VPS50: variants seen among roughly 807,000 people sequenced by gnomAD.
The protein encoded by VPS50 is VPS50 subunit of EARP/GARPII complex.
Under a neutral mutation model 139.7 loss-of-function variants are expected in VPS50, and 70 were observed. The ratio of observed to expected loss-of-function variants is 0.50; its 90% CI spans 0.41 to 0.61. The LOEUF (loss-of-function observed/expected upper bound fraction) is 0.61, where lower values mean the gene tolerates loss of function less well. VPS50 is among the 20% of genes least tolerant of loss of function. The pLI is 0.00. For missense variants in VPS50, 921 were observed against 1,133.7 expected (o/e 0.81, Z 2.69); for synonymous variants, 365 against 376.7 (o/e 0.97, Z 0.36).
intron 27 of VPS50, among the ~76,000 whole-genome samples, chr7:93,357,265 G>A (rs1464624581): frequency 2.6e-5 from 4 of 152,120 alleles, no homozygotes; most frequent in South Asian, 2.1e-4. Flanking sequence ...AATGATGCCC[G>A]TTTTTTGAAT....
chr7:93,261,913 A>G (rs1180556716), intron 9 of VPS50, among the ~76,000 whole-genome samples: 5 of 152,272 alleles, frequency 3.3e-5, no homozygotes, highest in African/African-American at 1.2e-4. Flanking sequence ...GAAAATATGT[A>G]TCTATTGGAT....
At chr7:93,280,839 T>C (rs1237301782) in intron 12 of VPS50, among the ~76,000 whole-genome samples, 1 of 152,118 alleles carries the variant, frequency 6.6e-6, no homozygotes, top group Admixed American at 6.6e-5. Context: ...AGTTCTGTTT[T>C]TATGATGAAT....
In VPS50 at chr7:93,254,100, G is replaced by A. The variant is rs543903151; in HGVS notation, c.297+169G>A. Among the ~76,000 whole-genome samples, 36 of 152,284 alleles carry A rather than the reference G, an allele frequency of 2.4e-4. No individual in the cohort carries two copies. The South Asian group carries it at 5.4e-3, about 23-fold the overall frequency. The stretch of plus-strand genomic sequence containing the variant: ...TGCATTTACATTAAAAATTTAATGC[G>A]TATGGTTTTCCTTATGTTACCTTGG... On this transcript the variant is annotated intron_variant, in intron 4 of 27. Coordinates refer to ENST00000305866, the MANE Select transcript of VPS50 (RefSeq NM_017667.4).
chr7:93,327,468 G>A (rs1797816282), intron 21 of VPS50, among the ~76,000 whole-genome samples: 1 of 151,998 alleles, frequency 6.6e-6, no homozygotes, highest in Non-Finnish European at 1.5e-5. Context: ...TTTCAGAATG[G>A]CATTTACTAG....
At chr7:93,265,474 G>A (rs1226450957) in intron 9 of VPS50, among the ~76,000 whole-genome samples, 1 of 152,182 alleles carries the variant, frequency 6.6e-6, no homozygotes, top group Non-Finnish European at 1.5e-5. Context: ...TCCGATCTGT[G>A]ATCTAGAATT....
chr7:93,329,548 T>A (rs1388663541), intron 21 of VPS50, among the ~76,000 whole-genome samples: 3 of 150,774 alleles, frequency 2.0e-5, no homozygotes, highest in Non-Finnish European at 4.4e-5. Flanking sequence ...GAAAAAACAC[T>A]GGCCAAAATT....
rs186460890 is a variant in VPS50, at chr7:93,253,315, G to A, written c.225+540G>A. Among the ~76,000 whole-genome samples the A allele has an allele frequency of 2.3e-3, 356 of 152,260 alleles. 1 individual carries two copies. Among genetic ancestry groups the A allele is most frequent in the African/African-American group, 8.2e-3 (340 of 41,540 alleles). On this transcript the variant is annotated intron_variant, in intron 3 of 27. Transcript: ENST00000305866. ...TTTCATCAGTCAGTTGACTGAGATT[G>A]TTTCCCTGTATATGGTATGCATTTT...
intron 23 of VPS50, 30 bp from the exon 24 acceptor site, chr7:93,348,680 GT>G (rs1190937531): frequency 1.7e-5 from 23 of 1,372,422 alleles, no homozygotes; most frequent in Non-Finnish European, 2.3e-5. Context: ...TACACAATTT[GT>G]TTACACAGTG....
intron 21 of VPS50, among the ~76,000 whole-genome samples, chr7:93,331,232 GT>G (rs769476910): frequency 0.074 from 9,991 of 135,200 alleles, 677 homozygotes; most frequent in African/African-American, 0.2. Flanking sequence ...CTGTAACAAG[GT>G]TTTTTTTTTT....
chr7:93,283,374 T>G (rs1429027944), intron 12 of VPS50, among the ~76,000 whole-genome samples: 1 of 152,030 alleles, frequency 6.6e-6, no homozygotes, highest in Non-Finnish European at 1.5e-5. Context: ...GTAGTTGGGA[T>G]TACAGCTCCC....
At position 93,315,806 on chromosome 7, in the gene VPS50, A is replaced by G. The variant is rs1435243361; in HGVS notation, c.1855+4534A>G. 5.9e-5 allele frequency among the ~76,000 whole-genome samples: 9 copies of G among 151,452 alleles called. No individual in the cohort carries two copies. In the East Asian group the frequency reaches 1.2e-3, roughly 20 times the overall value. ...GAAATCAGTTCTTTTTTTGCCATGT[A>G]TATTGCATTCATTAGTTTTAGTCCA... On this transcript the variant is annotated intron_variant, in intron 20 of 27. Coordinates refer to ENST00000305866, the MANE Select transcript of VPS50 (RefSeq NM_017667.4).
Position 93,323,634 on chromosome 7 carries a change from A to T in VPS50, c.1879A>T (p.Ile627Phe). 1 of 1,319,724 alleles carries T rather than the reference A, an allele frequency of 7.6e-7. No individual in the cohort carries two copies. Among genetic ancestry groups the T allele is most frequent in the Non-Finnish European group, 1.0e-6 (1 of 989,878 alleles). 81.8% of individuals were successfully genotyped at this position (1,319,724 alleles called of 1,614,324 possible). A position where few individuals can be genotyped will look rare whatever the true frequency, so the allele number is the denominator to read the frequency against. ...LVGKYMQMMN[I>F]LKPIAFDVIH... Reference sequence around the variant, plus strand: ...AGGAAAATATATGCAGATGATGAACATTCTTAAGCCAATTGCCTTTGATGT... The same window carrying T: ...AGGAAAATATATGCAGATGATGAACTTTCTTAAGCCAATTGCCTTTGATGT... The change falls in exon 21 of 28, where the codon ATT (isoleucine) becomes TTT (phenylalanine). Residue 627 changes from isoleucine to phenylalanine, a missense_variant. Coordinates refer to ENST00000305866, the MANE Select transcript of VPS50 (RefSeq NM_017667.4).
chr7:93,234,961 T>C (rs1462117521), intron 1 of VPS50, among the ~76,000 whole-genome samples: 1 of 149,818 alleles, frequency 6.7e-6, no homozygotes, highest in Non-Finnish European at 1.5e-5. Flanking sequence ...AATAGACAAG[T>C]GTTAAGGCAG....
In VPS50 at chr7:93,282,779, A is replaced by G. The variant is rs372165388; in HGVS notation, c.942+6474A>G. Reference sequence around the variant, plus strand: ...TTCTTGCTGAATGCTACAAATTTGAATATTTGGTTGAAGAGAGAAACCTTT... The same window carrying G: ...TTCTTGCTGAATGCTACAAATTTGAGTATTTGGTTGAAGAGAGAAACCTTT... On this transcript the variant is annotated intron_variant, in intron 12 of 27. Transcript: ENST00000305866. Among the ~76,000 whole-genome samples the G allele has an allele frequency of 2.6e-5, 4 of 152,224 alleles. No homozygotes were observed. The South Asian group carries it at 8.3e-4, about 31-fold the overall frequency.
At chr7:93,259,476 A>G in intron 8 of VPS50, 74 bp from the exon 9 acceptor site, 1 of 762,076 alleles carries the variant, frequency 1.3e-6, no homozygotes. Context: ...GAATATGAAC[A>G]GAGATTTTTT....
chr7:93,328,401 C>T lies in VPS50; in HGVS notation c.1977+4669C>T, dbSNP rs756875307. On this transcript the variant is annotated intron_variant, in intron 21 of 27. Transcript: ENST00000305866. ...TTAAGGTTACCTTTCATTAGTAAAA[C>T]GGTTTCTTTGTAGAGAGCCTATATA... Among the ~76,000 whole-genome samples the T allele has an allele frequency of 9.2e-5, 14 of 152,228 alleles. No individual in the cohort carries two copies. In the East Asian group the frequency reaches 1.2e-3, roughly 13 times the overall value.
chr7:93,254,504 C>T (rs1400476607), intron 4 of VPS50, among the ~76,000 whole-genome samples: 5 of 152,144 alleles, frequency 3.3e-5, no homozygotes, highest in South Asian at 4.2e-4. Context: ...GGGGCCCAAG[C>T]GATTCTCCTG....
In VPS50 at chr7:93,294,662, T is replaced by C. The variant is rs573080560; in HGVS notation, c.1167+26T>C. On this transcript the variant is annotated intron_variant, in intron 14 of 27. Transcript: ENST00000305866. ...GTTTGGTTTTTTTAAAATTATTTTT[T>C]TCACAGAAGCAATAGAAATGTCATG... The C allele has an allele frequency of 7.9e-6, 12 of 1,523,982 alleles. No homozygotes were observed. The East Asian group carries it at 1.6e-4, about 20-fold the overall frequency. The allele number at this position is 1,523,982 out of a possible 1,614,324, so 94.4% of individuals were successfully genotyped here. A position where few individuals can be genotyped will look rare whatever the true frequency, so the allele number is the denominator to read the frequency against.
intron 25 of VPS50, among the ~76,000 whole-genome samples, chr7:93,352,089 T>C (rs1163731774): frequency 2.6e-5 from 4 of 152,216 alleles, no homozygotes; most frequent in Non-Finnish European, 5.9e-5. Context: ...GTATGATTCA[T>C]TTTATAACAA....
Sources: gnomAD v4.1 joint callset for allele counts (sites outside exome capture counted in the v4.1 genomes callset) on GRCh38, gnomAD v4.1.1 for gene constraint, MANE v1.5 for transcripts, NCBI Gene and HGNC (gene_info 2026-07-23, HGNC 2026-07-21) for gene names.